HEMK2: variants seen among roughly 807,000 people sequenced by gnomAD.
The protein encoded by HEMK2 is methyltransferase HEMK2.
chr21:28,741,282 A>G, the HEMK2 span, among the ~76,000 whole-genome samples: 1 of 152,216 alleles, frequency 6.6e-6, no homozygotes, highest in Non-Finnish European at 1.5e-5. Context: ...ATGACACAAG[A>G]TCATGCTTGA....
chr21:28,635,994 C>G, the HEMK2 span, among the ~76,000 whole-genome samples: 1 of 152,242 alleles, frequency 6.6e-6, no homozygotes, highest in Non-Finnish European at 1.5e-5. Flanking sequence ...ATAGACCACC[C>G]CGTTGCATTG....
chr21:28,746,569 A>C, the HEMK2 span, among the ~76,000 whole-genome samples: 1 of 152,162 alleles, frequency 6.6e-6, no homozygotes, highest in Non-Finnish European at 1.5e-5. Flanking sequence ...TAAAATGTAT[A>C]ACTATACTGG....
chr21:28,841,806 T>C, the HEMK2 span, among the ~76,000 whole-genome samples: 166 of 151,980 alleles, frequency 1.1e-3, no homozygotes, highest in South Asian at 2.1e-3. Context: ...CAATAATTTA[T>C]GGAAAAATAA....
chr21:28,765,373 T>C, the HEMK2 span, among the ~76,000 whole-genome samples: 1 of 152,098 alleles, frequency 6.6e-6, no homozygotes, highest in Non-Finnish European at 1.5e-5. Flanking sequence ...AACTAATAAG[T>C]GTGTGTTGGT....
chr21:28,784,824 G>A, the HEMK2 span, among the ~76,000 whole-genome samples: 11,975 of 152,242 alleles, frequency 0.079, 522 homozygotes, highest in Middle Eastern at 0.12. Flanking sequence ...GGCTGCCAGA[G>A]CCAGGAGTGG....
chr21:28,811,410 AAGGAAG>A, the HEMK2 span, among the ~76,000 whole-genome samples: 1 of 137,286 alleles, frequency 7.3e-6, no homozygotes, highest in East Asian at 2.5e-4. Context: ...AGAAGGAAGG[AAGGAAG>A]GAAGGAAGGA....
At chr21:28,792,600 A>G in the HEMK2 span, among the ~76,000 whole-genome samples, 4 of 152,262 alleles carry the variant, frequency 2.6e-5, no homozygotes, top group East Asian at 1.9e-4. Context: ...ACTTGGTACA[A>G]TAAGAGAAAT....
the HEMK2 span, among the ~76,000 whole-genome samples, chr21:28,640,220 A>G: frequency 9.2e-5 from 14 of 152,180 alleles, no homozygotes; most frequent in Admixed American, 9.2e-4. Flanking sequence ...GAAAATGAAG[A>G]GTAGCAGACG....
chr21:28,833,483 A>G, the HEMK2 span, among the ~76,000 whole-genome samples: 1 of 152,234 alleles, frequency 6.6e-6, no homozygotes, highest in African/African-American at 2.4e-5. Context: ...CAATGACTCT[A>G]AGAACATGTC....
At chr21:28,740,757 T>C in the HEMK2 span, among the ~76,000 whole-genome samples, 3 of 152,180 alleles carry the variant, frequency 2.0e-5, no homozygotes, top group African/African-American at 4.8e-5. Flanking sequence ...CAAGTCTAGA[T>C]AGGCAAGAAA....
the HEMK2 span, among the ~76,000 whole-genome samples, chr21:28,825,874 A>C: frequency 6.6e-6 from 1 of 152,212 alleles, no homozygotes; most frequent in South Asian, 2.1e-4. Context: ...TGCTCTTAGA[A>C]GACTACAGCC....
chr21:28,719,099 T>A, the HEMK2 span, among the ~76,000 whole-genome samples: 1 of 152,202 alleles, frequency 6.6e-6, no homozygotes, highest in Non-Finnish European at 1.5e-5. Flanking sequence ...CTGGCTCTTA[T>A]TTCTATGCCT....
chr21:28,650,892 G>T, the HEMK2 span, among the ~76,000 whole-genome samples: 3 of 152,138 alleles, frequency 2.0e-5, no homozygotes, highest in African/African-American at 7.2e-5. Flanking sequence ...TTTAGGGGAT[G>T]ATTTCATTTA....
At chr21:28,762,372 T>C in the HEMK2 span, among the ~76,000 whole-genome samples, 1 of 152,190 alleles carries the variant, frequency 6.6e-6, no homozygotes, top group East Asian at 1.9e-4. Context: ...AACCATGGTC[T>C]ACATTAAAAA....
chr21:28,829,625 C>T, the HEMK2 span, among the ~76,000 whole-genome samples: 4 of 152,158 alleles, frequency 2.6e-5, no homozygotes, highest in African/African-American at 9.7e-5. Flanking sequence ...TCTGTTACAG[C>T]TGCACAAAAC....
chr21:28,673,768 A>G, the HEMK2 span, among the ~76,000 whole-genome samples: 2 of 103,954 alleles, frequency 1.9e-5, no homozygotes, highest in African/African-American at 8.8e-5. Context: ...TGGTCATATG[A>G]ATATATGACT....
the HEMK2 span, among the ~76,000 whole-genome samples, chr21:28,763,088 C>T: frequency 3.3e-5 from 5 of 152,242 alleles, no homozygotes; most frequent in African/African-American, 1.2e-4. Context: ...GCACACAAAC[C>T]TGCTTCAGCC....
the HEMK2 span, among the ~76,000 whole-genome samples, chr21:28,640,504 T>C: frequency 6.6e-6 from 1 of 152,102 alleles, no homozygotes; most frequent in African/African-American, 2.4e-5. Context: ...CTAGAAACAA[T>C]CAGAATGGTA....
the HEMK2 span, among the ~76,000 whole-genome samples, chr21:28,863,499 G>T: frequency 8.1e-6 from 1 of 122,738 alleles, no homozygotes; most frequent in East Asian, 2.7e-4. Flanking sequence ...TCTAGAGAAC[G>T]CTAATAAACC....
Sources: allele counts gnomAD v4.1 joint callset (sites outside exome capture counted in the v4.1 genomes callset), GRCh38; gene constraint gnomAD v4.1.1; transcripts MANE v1.5; gene names NCBI Gene and HGNC (gene_info 2026-07-23, HGNC 2026-07-21).